Variants in FAF1 observed in about 807,000 individuals in gnomAD.
FAF1 encodes Fas associated factor 1, also known as FAS-associated factor 1.
In FAF1, 25 loss-of-function variants were observed where a neutral mutation model predicts 92.5. The observed-to-expected ratio is 0.27, with a 90% CI of 0.20 to 0.38. FAF1 has a LOEUF of 0.38. FAF1 is among the 10% of genes least tolerant of loss of function. The pLI is 1.00. For synonymous variants in FAF1, 234 were observed against 273.2 expected (o/e 0.86, Z 1.42); for missense variants, 636 against 793.3 (o/e 0.80, Z 2.38).
At chr1:50,625,706 A>G (rs964275091) in intron 8 of FAF1, among the ~76,000 whole-genome samples, 2 of 152,212 alleles carry the variant, frequency 1.3e-5, no homozygotes, top group African/African-American at 4.8e-5. Flanking sequence ...AGGCCAGGTA[A>G]GGCACAAAAT....
chr1:50,507,775 AG>A (rs898714651), intron 15 of FAF1, among the ~76,000 whole-genome samples: 6 of 152,184 alleles, frequency 3.9e-5, no homozygotes, highest in African/African-American at 1.4e-4. Flanking sequence ...GAGCAGTGAA[AG>A]GTTTTTAAAA....
chr1:50,813,327 T>C (rs916522962), intron 2 of FAF1, among the ~76,000 whole-genome samples: 1 of 152,194 alleles, frequency 6.6e-6, no homozygotes. Flanking sequence ...GAGAAAAGTA[T>C]AAAGAAGAAA....
intron 6 of FAF1, among the ~76,000 whole-genome samples, chr1:50,722,441 G>T (rs1302229826): frequency 6.6e-6 from 1 of 152,128 alleles, no homozygotes. Flanking sequence ...GAGGTCAGGA[G>T]ATTGAGACCA....
chr1:50,531,469 T>G (rs1648165935), intron 15 of FAF1, among the ~76,000 whole-genome samples: 1 of 152,096 alleles, frequency 6.6e-6, no homozygotes, highest in African/African-American at 2.4e-5. Flanking sequence ...AAGCATCTAT[T>G]ATTTGGAATC....
intron 8 of FAF1, among the ~76,000 whole-genome samples, chr1:50,644,876 G>C (rs773674258): frequency 1.3e-5 from 2 of 152,194 alleles, no homozygotes; most frequent in Admixed American, 6.5e-5. Flanking sequence ...CTTAGTGCTT[G>C]TAAGTTTCCA....
chr1:50,540,546 CA>C (rs1168594023), intron 13 of FAF1, among the ~76,000 whole-genome samples: 3 of 151,696 alleles, frequency 2.0e-5, no homozygotes, highest in Admixed American at 1.3e-4. Context: ...AGCTTTTGAC[CA>C]AAAAAAGCTC....
chr1:50,680,545 T>C (rs1394929361), intron 7 of FAF1, among the ~76,000 whole-genome samples: 1 of 151,508 alleles, frequency 6.6e-6, no homozygotes, highest in Non-Finnish European at 1.5e-5. Context: ...TAGGCGGGTG[T>C]GGTGGTGGGT....
At chr1:50,602,277 G>A (rs1229855516) in intron 8 of FAF1, among the ~76,000 whole-genome samples, 1 of 152,070 alleles carries the variant, frequency 6.6e-6, no homozygotes. Flanking sequence ...GCTTGTCATC[G>A]TCCTCACAAG....
At chr1:50,491,947 G>A (rs1222069803) in intron 15 of FAF1, 146 bp from the exon 16 acceptor site, 1 of 602,904 alleles carries the variant, frequency 1.7e-6, no homozygotes, top group Non-Finnish European at 2.9e-6. Context: ...ACATAAATAA[G>A]CAAACAAACA....
At chr1:50,631,754 G>A (rs1389452613) in intron 8 of FAF1, among the ~76,000 whole-genome samples, 1 of 152,214 alleles carries the variant, frequency 6.6e-6, no homozygotes, top group African/African-American at 2.4e-5. Flanking sequence ...TCTGTGGTAA[G>A]TGCTTAGTTA....
intron 1 of FAF1, among the ~76,000 whole-genome samples, chr1:50,941,335 G>A (rs1425938054): frequency 3.3e-5 from 5 of 151,972 alleles, no homozygotes; most frequent in African/African-American, 4.8e-5. Flanking sequence ...TCAGCCTCCC[G>A]AGTAGCTGAG....
At chr1:50,804,891 C>T (rs548708868) in intron 2 of FAF1, among the ~76,000 whole-genome samples, 2 of 152,200 alleles carry the variant, frequency 1.3e-5, no homozygotes, top group Admixed American at 1.3e-4. Flanking sequence ...TGTGGATAGC[C>T]CAGTACCTGA....
intron 8 of FAF1, among the ~76,000 whole-genome samples, chr1:50,623,827 C>G (rs1204394555): frequency 6.6e-6 from 1 of 151,772 alleles, no homozygotes; most frequent in South Asian, 2.1e-4. Context: ...CCTGTAGTCA[C>G]AACTACCCAA....
intron 18 of FAF1, among the ~76,000 whole-genome samples, chr1:50,449,489 CTTTTTTT>C: frequency 8.0e-6 from 1 of 124,586 alleles, no homozygotes; most frequent in East Asian, 2.3e-4. Flanking sequence ...CTTTTTCTTT[CTTTTTTT>C]TTTTTTTTTT....
At position 50,738,972 on chromosome 1, in the gene FAF1, C is replaced by A. The variant is rs1229260512; in HGVS notation, c.460-18G>T. On this transcript the variant is annotated intron_variant, in intron 5 of 18. Coordinates refer to ENST00000396153, the MANE Select transcript of FAF1 (RefSeq NM_007051.3). Reference sequence around the variant, plus strand: ...AGGACCGTCTGAAAAAGAAAAAACACAGCAAAAAATGAATGTTGATGTTGA... The same window carrying A: ...AGGACCGTCTGAAAAAGAAAAAACAAAGCAAAAAATGAATGTTGATGTTGA... 1.4e-6 allele frequency: 2 copies of A among 1,458,494 alleles called. No individual in the cohort carries two copies. Among genetic ancestry groups the A allele is most frequent in the Admixed American group, 1.9e-5 (1 of 53,090 alleles). The allele number at this position is 1,458,494 out of a possible 1,614,324, so 90.3% of individuals were successfully genotyped here. A position where few individuals can be genotyped will look rare whatever the true frequency, so the allele number is the denominator to read the frequency against.
Position 50,441,505 on chromosome 1 carries a change from T to C in FAF1, c.1888A>G (p.Asn630Asp). 6.5e-7 allele frequency: 1 copy of C among 1,543,402 alleles called. No homozygotes were observed. The highest frequency in any genetic ancestry group is 8.8e-7 in the Non-Finnish European group (1 of 1,140,840). Residue 630 changes from asparagine to aspartate, a missense_variant, in exon 19 of 19, where the codon AAT (asparagine) becomes GAT (aspartate). By Grantham distance (23) the Asn-to-Asp change is conservative. This residue lies in a region of FAF1 where 319 missense variants were observed against 451.0 expected (regional missense o/e 0.71). Transcript: ENST00000396153. ...PRRDVTQLDP[N>D]KSLLEVKLFP... is the part of the protein sequence containing the mutation. ...AACTTTACCTCCAATAATGATTTAT[T>C]TGGGTCCAGTTGAGTTACCTAAAAA...
chr1:50,783,038 C>A (rs1439845196), intron 4 of FAF1, among the ~76,000 whole-genome samples: 1 of 151,416 alleles, frequency 6.6e-6, no homozygotes, highest in Non-Finnish European at 1.5e-5. Context: ...AAGAAAAAAA[C>A]AGAAAAATTA....
At chr1:50,806,871 A>T (rs1255617053) in intron 2 of FAF1, among the ~76,000 whole-genome samples, 1 of 152,118 alleles carries the variant, frequency 6.6e-6, no homozygotes, top group Non-Finnish European at 1.5e-5. Context: ...AAGCAAAAAA[A>T]CAAACAAACA....
At chr1:50,665,988 C>T (rs1271621321) in intron 7 of FAF1, among the ~76,000 whole-genome samples, 1 of 151,988 alleles carries the variant, frequency 6.6e-6, no homozygotes, top group Non-Finnish European at 1.5e-5. Flanking sequence ...ACCAGTCTGG[C>T]CAACATGGTG....
Sources: gnomAD v4.1 joint callset for allele counts (sites outside exome capture counted in the v4.1 genomes callset) on GRCh38, gnomAD v4.1.1 for gene constraint, gnomAD v4.1.1 regional missense constraint, MANE v1.5 for transcripts, NCBI Gene and HGNC (gene_info 2026-07-23, HGNC 2026-07-21) for gene names.